FAM167A: variants seen among roughly 807,000 people sequenced by gnomAD.
FAM167A encodes protein FAM167A.
FAM167A carries 23 observed loss-of-function variants against 14.9 expected under a neutral mutation model. The ratio of observed to expected loss-of-function variants is 1.55; its 90% confidence interval spans 1.11 to 2.19. The LOEUF is 2.19. FAM167A is among the 30% of genes most tolerant of loss of function. The probability of loss-of-function intolerance (pLI) is 0.00; values close to 1 mark genes in which losing one functional copy is unlikely to be tolerated. For synonymous variants in FAM167A, 174 were observed against 117.7 expected (o/e 1.48, Z -3.10); for missense variants, 401 against 281.5 (o/e 1.42, Z -3.04).
intron 1 of FAM167A, chr8:11,445,460 T>G (rs1018812932): frequency 1.0e-6 from 1 of 985,696 alleles, no homozygotes; most frequent in Non-Finnish European, 1.2e-6. Context: ...CCTGCAGCTG[T>G]GGAGGGAAGA....
chr8:11,424,743 TC>T, intron 2 of FAM167A, 107 bp from the exon 3 acceptor site: 1 of 1,450,472 alleles, frequency 6.9e-7, no homozygotes, highest in Non-Finnish European at 9.2e-7. Context: ...CATTAAGTGG[TC>T]CATCTAGAAA....
At chr8:11,426,667 G>T (rs1554522822) in intron 2 of FAM167A, among the ~76,000 whole-genome samples, 1 of 152,176 alleles carries the variant, frequency 6.6e-6, no homozygotes, top group Non-Finnish European at 1.5e-5. Flanking sequence ...GATACTGGGG[G>T]AAGAGGAAGA....
chr8:11,459,673 C>T (rs1452834151), intron 1 of FAM167A, among the ~76,000 whole-genome samples: 2 of 152,208 alleles, frequency 1.3e-5, no homozygotes, highest in African/African-American at 4.8e-5. Flanking sequence ...CTGGACAAGT[C>T]ACACGACTCT....
chr8:11,443,742 T>G, intron 2 of FAM167A: 5 of 361,518 alleles, frequency 1.4e-5, no homozygotes, highest in Non-Finnish European at 2.6e-5. Context: ...GGAGCGGTGT[T>G]GGGGGGAGGG....
intron 1 of FAM167A, 172 bp from the exon 2 acceptor site, chr8:11,444,980 G>C: frequency 1.5e-6 from 1 of 645,496 alleles, no homozygotes; most frequent in Non-Finnish European, 1.9e-6. Context: ...ATTCAATGCA[G>C]AGAAGTTAAT....
chr8:11,471,865 T>A (rs139112093), upstream of FAM167A, among the ~76,000 whole-genome samples: 3 of 152,044 alleles, frequency 2.0e-5, no homozygotes, highest in African/African-American at 7.3e-5. Flanking sequence ...AAGGCTGCGC[T>A]CTCAGGCTGA....
intron 2 of FAM167A, chr8:11,438,640 A>T: frequency 2.5e-6 from 1 of 404,628 alleles, no homozygotes; most frequent in Non-Finnish European, 4.8e-6. Context: ...AGAAATAAAG[A>T]TCATCAAGTT....
chr8:11,424,788 G>C, intron 2 of FAM167A, 152 bp from the exon 3 acceptor site: 1 of 1,204,926 alleles, frequency 8.3e-7, no homozygotes. Flanking sequence ...GAGGTGAAAA[G>C]ACACAGAAAG....
intron 1 of FAM167A, among the ~76,000 whole-genome samples, chr8:11,473,562 T>G (rs549777624): frequency 6.6e-6 from 1 of 152,310 alleles, no homozygotes; most frequent in South Asian, 2.1e-4. Flanking sequence ...CACGTAGATG[T>G]TCAAACAAAA....
At chr8:11,458,571 C>G (rs968950960) in intron 1 of FAM167A, among the ~76,000 whole-genome samples, 1 of 152,164 alleles carries the variant, frequency 6.6e-6, no homozygotes, top group Non-Finnish European at 1.5e-5. Context: ...TTAGCCCTTA[C>G]TCTGGCAATA....
chr8:11,445,724 C>T lies in FAM167A; in HGVS notation c.-397-916G>A, dbSNP rs115790050. Among the ~76,000 whole-genome samples the T allele has an allele frequency of 3.6e-3, 545 of 152,056 alleles. 2 individuals carry two copies. The highest frequency in any genetic ancestry group is 0.013 in the African/African-American group (519 of 41,476). ...ACCGCAGCCTCCAGACTCTGTGGTC[C>T]GAGGTCCATGGGGTGGGCAGTGGAC... On this transcript the variant is annotated intron_variant, in intron 1 of 2. Transcript: ENST00000284486.
In FAM167A at chr8:11,444,391, G is replaced by A. The variant is rs375488017; in HGVS notation, c.21C>T (p.His7=). MSVPQI[H]VEEVGAEEGA... Reference sequence around the variant, plus strand: ...CCTCTTCTGCACCCACTTCTTCCACGTGGATCTGGGGCACAGACATTCTAC... The same window carrying A: ...CCTCTTCTGCACCCACTTCTTCCACATGGATCTGGGGCACAGACATTCTAC... The change falls in exon 2 of 3, where the codon CAC becomes CAT. Residue 7 remains histidine, a synonymous_variant. Transcript: ENST00000284486. 1.4e-5 allele frequency: 22 copies of A among 1,557,072 alleles called. No individual in the cohort carries two copies. The highest frequency in any genetic ancestry group is 3.9e-5 in the Admixed American group (2 of 50,802).
At chr8:11,467,629 A>G (rs980575238), upstream of FAM167A, 2 of 152,362 alleles carry the variant, frequency 1.3e-5, no homozygotes, top group African/African-American at 4.8e-5. Flanking sequence ...CGCCGCCTAC[A>G]TGGCCAGACG....
At chr8:11,436,699 C>G (rs984010753) in intron 2 of FAM167A, among the ~76,000 whole-genome samples, 2 of 152,188 alleles carry the variant, frequency 1.3e-5, no homozygotes, top group South Asian at 4.1e-4. Context: ...AATGGAGTGC[C>G]GAAGTGCCCT....
At chr8:11,451,683 T>C (rs13255193) in intron 1 of FAM167A, among the ~76,000 whole-genome samples, 70,570 of 151,974 alleles carry the variant, frequency 0.46, 17,412 homozygotes, top group Middle Eastern at 0.63. Context: ...CAGTCAGCTG[T>C]TCAGGCCCCG....
chr8:11,457,093 GGGGAAAT>G (rs1807357602), intron 1 of FAM167A, among the ~76,000 whole-genome samples: 1 of 78,634 alleles, frequency 1.3e-5, no homozygotes, highest in Non-Finnish European at 2.9e-5. Flanking sequence ...GGGCTGGGTT[GGGGAAAT>G]GGGCGGGGCT....
chr8:11,468,545 A>G (rs914110354), upstream of FAM167A, among the ~76,000 whole-genome samples: 5 of 152,234 alleles, frequency 3.3e-5, no homozygotes, highest in Non-Finnish European at 7.3e-5. Flanking sequence ...TGCAAGCAGG[A>G]GCCTCAATCT....
intron 2 of FAM167A, among the ~76,000 whole-genome samples, chr8:11,437,853 T>C (rs987164698): frequency 1.4e-5 from 2 of 147,878 alleles, no homozygotes; most frequent in African/African-American, 5.3e-5. Context: ...TGGACAGGCA[T>C]GGATCTGGCT....
intron 1 of FAM167A, among the ~76,000 whole-genome samples, chr8:11,450,105 C>T (rs373637455): frequency 1.3e-5 from 2 of 152,302 alleles, no homozygotes; most frequent in East Asian, 1.9e-4. Flanking sequence ...ACTCCTGTCC[C>T]GCCGGACACC....
Sources: gnomAD v4.1 joint callset for allele counts (sites outside exome capture counted in the v4.1 genomes callset) on GRCh38, gnomAD v4.1.1 for gene constraint, MANE v1.5 for transcripts, NCBI Gene and HGNC (gene_info 2026-07-23, HGNC 2026-07-21) for gene names.